Variants in RXFP2 observed in about 807,000 individuals in gnomAD.
RXFP2 encodes relaxin family peptide receptor 2.
RXFP2 carries 68 observed loss-of-function variants against 88.6 expected under a neutral mutation model. That is an observed-to-expected ratio of 0.77 (90% CI 0.63 to 0.94). The LOEUF is 0.94. Ranked by LOEUF, RXFP2 falls within the 40% of genes least tolerant of loss-of-function variation. RXFP2 has a pLI of 0.00. For missense variants in RXFP2, 791 were observed against 893.9 expected, an observed-to-expected ratio of 0.88 and a Z score of 1.47; for synonymous variants, 329 against 306.8, an observed-to-expected ratio of 1.07 and a Z score of -0.76.
intron 1 of RXFP2, among the ~76,000 whole-genome samples, chr13:31,742,270 T>C (rs1871250022): frequency 6.6e-6 from 1 of 152,202 alleles, no homozygotes; most frequent in Non-Finnish European, 1.5e-5. Context: ...GAACAGTATT[T>C]TGAGGGGAGC....
chr13:31,781,704 A>C lies in RXFP2; in HGVS notation c.819A>C (p.Thr273=). Residue 273 remains threonine (T), a synonymous_variant, in exon 10 of 18, where the codon ACA becomes ACC. Transcript: ENST00000298386. ...AAGGCAATAGAATAAAGTATCTCAC[A>C]AATTCTACGTTTCTGTCGTGCGATT... The part of the protein sequence containing the change: ...DLEGNRIKYL[T]NSTFLSCDSL... 1.2e-6 allele frequency: 2 copies of C among 1,612,798 alleles called. No homozygotes were observed. Among genetic ancestry groups the C allele is most frequent in the Non-Finnish European group, 1.7e-6 (2 of 1,179,080 alleles).
chr13:31,779,009 C>G (rs1280252836), intron 9 of RXFP2, among the ~76,000 whole-genome samples: 1 of 152,254 alleles, frequency 6.6e-6, no homozygotes, highest in East Asian at 1.9e-4. Flanking sequence ...GTTTCAGCAG[C>G]CACCTATGTA....
At position 31,775,438 on chromosome 13, in the gene RXFP2, G is replaced by T. The variant is rs374792096; in HGVS notation, c.641+49G>T. On this transcript the variant is annotated intron_variant, in intron 7 of 17. Coordinates refer to ENST00000298386, the MANE Select transcript of RXFP2 (RefSeq NM_130806.5). Reference sequence around the variant, plus strand: ...TCCCATAGAGGATCATAGTCTTGATGATATATAACAGTGCTAATGTAGTTT... The same window carrying T: ...TCCCATAGAGGATCATAGTCTTGATTATATATAACAGTGCTAATGTAGTTT... 5.3e-6 allele frequency: 7 copies of T among 1,311,820 alleles called. No individual in the cohort carries two copies. The African/African-American group carries it at 5.8e-5, about 11-fold the overall frequency. The allele number at this position is 1,311,820 out of a possible 1,614,324, so 81.3% of individuals were successfully genotyped here. A position where few individuals can be genotyped will look rare whatever the true frequency, so the allele number is the denominator to read the frequency against.
At chr13:31,749,247 A>T (rs1871559902) in intron 1 of RXFP2, among the ~76,000 whole-genome samples, 1 of 152,156 alleles carries the variant, frequency 6.6e-6, no homozygotes, top group Non-Finnish European at 1.5e-5. Context: ...AAATGATTAC[A>T]TATGTGTCTG....
At chr13:31,775,418 T>C (rs1463484621) in intron 7 of RXFP2, 29 bp downstream of exon 7, 2 of 1,449,236 alleles carry the variant, frequency 1.4e-6, no homozygotes, top group Admixed American at 1.7e-5. Context: ...CTTTCTCCCA[T>C]AGAGGATCAT....
intron 5 of RXFP2, among the ~76,000 whole-genome samples, chr13:31,766,850 G>T (rs550428485): frequency 1.3e-4 from 20 of 152,268 alleles, no homozygotes; most frequent in Admixed American, 5.2e-4. Context: ...ATTCAGGTTC[G>T]TGTATCAGTC....
intron 5 of RXFP2, 83 bp downstream of exon 5, chr13:31,766,110 GT>G (rs1447905673): frequency 2.7e-6 from 2 of 752,144 alleles, no homozygotes; most frequent in East Asian, 5.0e-5. Context: ...ATAAAATATT[GT>G]TTGTTATCTT....
Position 31,739,646 on chromosome 13 carries a change from A to T in RXFP2, c.34A>T (p.Ser12Cys). The T allele has an allele frequency of 6.2e-7, 1 of 1,608,520 alleles. No individual in the cohort carries two copies. Reference sequence around the variant, plus strand: ...TTTTCTGGTTTTTAAACATCTCTTCAGCCTCAGATTGATTACAATGTTCTT... The same window carrying T: ...TTTTCTGGTTTTTAAACATCTCTTCTGCCTCAGATTGATTACAATGTTCTT... ...IVFLVFKHLF[S>C]LRLITMFFLL... The change falls in exon 1 of 18, where the codon AGC (serine) becomes TGC (cysteine). Residue 12 changes from serine to cysteine, a missense_variant. Transcript: ENST00000298386.
chr13:31,782,748 G>A lies in RXFP2; in HGVS notation c.929+1G>A. On this transcript the variant is annotated splice_donor_variant, in intron 11 of 17. Transcript: ENST00000298386. LOFTEE classifies it high-confidence loss of function. ...CTTCATTAAAAAATTTAGGAGAACT[G>A]TAAGTAGCATCGTCTACTAGGAAAA... is the stretch of plus-strand genomic sequence containing the variant. 6.4e-7 allele frequency: 1 copy of A among 1,557,488 alleles called. No homozygotes were observed. Among genetic ancestry groups the A allele is most frequent in the Non-Finnish European group, 8.9e-7 (1 of 1,128,706 alleles).
intron 1 of RXFP2, among the ~76,000 whole-genome samples, chr13:31,744,665 C>G (rs186023671): frequency 6.6e-5 from 10 of 151,490 alleles, no homozygotes; most frequent in African/African-American, 2.4e-4. Context: ...TTAACTAATT[C>G]TCCTTTTCTC....
chr13:31,786,684 A>ACTT (rs1202392113), intron 13 of RXFP2, 47 bp downstream of exon 13: 2 of 1,146,396 alleles, frequency 1.7e-6, no homozygotes, highest in Non-Finnish European at 2.6e-6. Flanking sequence ...TAGTGGATGT[A>ACTT]CTTAGAGACA....
chr13:31,788,690 T>C (rs1873660698), intron 13 of RXFP2, among the ~76,000 whole-genome samples: 1 of 152,156 alleles, frequency 6.6e-6, no homozygotes, highest in Non-Finnish European at 1.5e-5. Flanking sequence ...TAAAGACACA[T>C]AGGCCAGGAA....
Position 31,802,291 on chromosome 13 carries a change from T to G in RXFP2, c.2151T>G (p.Ile717Met). 1 of 1,554,472 alleles carries G rather than the reference T, an allele frequency of 6.4e-7. No homozygotes were observed. Among genetic ancestry groups the G allele is most frequent in the South Asian group, 1.1e-5 (1 of 88,082 alleles). The change falls in exon 18 of 18, where the codon ATT becomes ATG. Residue 717 changes from isoleucine (I) to methionine (M), a missense_variant. Transcript: ENST00000298386. ...HKHQRKSIFKIKKKSLSTSIV... is the reference protein window; with the variant it reads ...HKHQRKSIFKMKKKSLSTSIV... ...ATCAGAGGAAATCAATTTTCAAAATTAAAAAAAAAAGTTTATCTACATCCA... is the reference window on the plus strand; with the variant it reads ...ATCAGAGGAAATCAATTTTCAAAATGAAAAAAAAAAGTTTATCTACATCCA...
intron 5 of RXFP2, among the ~76,000 whole-genome samples, chr13:31,773,558 T>G (rs532250169): frequency 1.3e-5 from 2 of 152,232 alleles, no homozygotes; most frequent in South Asian, 4.2e-4. Flanking sequence ...TTTGTACCCC[T>G]TCATCTCCCC....
intron 1 of RXFP2, among the ~76,000 whole-genome samples, chr13:31,757,249 G>A (rs1012026132): frequency 2.6e-5 from 4 of 152,132 alleles, no homozygotes; most frequent in Non-Finnish European, 4.4e-5. Context: ...GTCTCATAGT[G>A]CAATGGCTAA....
intron 7 of RXFP2, 105 bp downstream of exon 7, chr13:31,775,494 T>G (rs1260639881): frequency 1.1e-6 from 1 of 872,896 alleles, no homozygotes; most frequent in Non-Finnish European, 1.9e-6. Context: ...TTTTTATACT[T>G]GCTTTTCTGA....
intron 13 of RXFP2, 68 bp downstream of exon 13, chr13:31,786,705 T>A: frequency 1.0e-6 from 1 of 997,934 alleles, no homozygotes; most frequent in Non-Finnish European, 1.6e-6. Flanking sequence ...CATTTATTTT[T>A]AAATGGGTAT....
intron 1 of RXFP2, among the ~76,000 whole-genome samples, chr13:31,748,167 A>G (rs560069400): frequency 6.6e-6 from 1 of 152,296 alleles, no homozygotes; most frequent in South Asian, 2.1e-4. Flanking sequence ...GCTTGGGGCT[A>G]TTGTGAATAA....
chr13:31,757,585 G>A (rs1053203478), intron 1 of RXFP2, among the ~76,000 whole-genome samples: 1 of 152,098 alleles, frequency 6.6e-6, no homozygotes, highest in Admixed American at 6.6e-5. Flanking sequence ...AGTCCTTCTT[G>A]TAAAAGATTA....
Sources: gnomAD v4.1 joint callset for allele counts (sites outside exome capture counted in the v4.1 genomes callset) on GRCh38, gnomAD v4.1.1 for gene constraint, MANE v1.5 for transcripts, NCBI Gene and HGNC (gene_info 2026-07-23, HGNC 2026-07-21) for gene names.